The following DDX3X variants were observed in gnomAD, a reference collection of about 807,000 sequenced individuals.
The protein encoded by DDX3X is ATP-dependent RNA helicase DDX3X.
A neutral mutation model predicts 52.7 loss-of-function variants in DDX3X; 4 were observed. That is an observed-to-expected ratio of 0.08 (90% CI 0.04 to 0.17). The LOEUF is 0.17. Among genes scored for constraint, DDX3X ranks in the 10% least tolerant of loss-of-function variants. The probability of loss-of-function intolerance (pLI) is 1.00; values close to 1 mark genes in which losing one functional copy is unlikely to be tolerated. For synonymous variants in DDX3X, 192 were observed against 178.1 expected (o/e 1.08, Z -0.62); for missense variants, 222 against 548.6 (o/e 0.40, Z 5.95).
At chrX:41,341,670 C>G (rs370887135) in intron 4 of DDX3X, 54 bp downstream of exon 4, 2 of 1,101,922 alleles carry the variant, frequency 1.8e-6, no homozygotes, top group Non-Finnish European at 2.5e-6. Context: ...TTTAATAAGT[C>G]GTTATCCTGA....
At chrX:41,347,512 T>G (rs2063942668) in intron 16 of DDX3X, 61 bp downstream of exon 16, 4 of 1,182,994 alleles carry the variant, frequency 3.4e-6, no homozygotes. Context: ...AGTCATCTTT[T>G]TCAAAGCCTA....
intron 5 of DDX3X, among the ~76,000 whole-genome samples, chrX:41,357,084 C>T (rs752467786): frequency 9.2e-6 from 1 of 108,625 alleles, no homozygotes; most frequent in East Asian, 2.9e-4. Flanking sequence ...CAGGTGTGCG[C>T]CACCACACCC....
chrX:41,354,342 C>CCCTTTTTTTTTT (rs2064000303), downstream of DDX3X, among the ~76,000 whole-genome samples: 1 of 46,311 alleles, frequency 2.2e-5, no homozygotes, highest in African/African-American at 1.3e-4. Context: ...CTTGTGCTAC[C>CCCTTTTTTTTTT]TCTTTTTTTT....
At chrX:41,344,519 C>G in intron 10 of DDX3X, 120 bp downstream of exon 10, 1 of 845,015 alleles carries the variant, frequency 1.2e-6, no homozygotes, top group South Asian at 2.1e-5. Flanking sequence ...CTCACCACAA[C>G]CTCTGCCTCC....
rs143627607 is a variant in DDX3X, at chrX:41,341,566, A to C, written c.234A>C (p.Ser78=). ...GCAGTTTTGGATCTCGTAGTGATTC[A>C]AGAGGGAAGTCTAGCTTCTTCAGTG... is the stretch of plus-strand genomic sequence containing the variant. ...AYSSFGSRSD[S]RGKSSFFSDR... The change falls in exon 4 of 17, where the codon TCA becomes TCC. Residue 78 remains serine, a synonymous_variant. Coordinates refer to ENST00000644876, the MANE Select transcript of DDX3X (RefSeq NM_001356.5). 1 of 1,211,083 alleles carries C rather than the reference A, an allele frequency of 8.3e-7. No homozygotes were observed.
At chrX:41,353,270 G>A (rs1372659952), downstream of DDX3X, among the ~76,000 whole-genome samples, 1 of 96,214 alleles carries the variant, frequency 1.0e-5, no homozygotes, top group African/African-American at 3.8e-5. Context: ...TGGCTAACAC[G>A]GTGAAACCCT....
At chrX:41,342,199 GA>G (rs2063860583) in intron 4 of DDX3X, 1 of 233,501 alleles carries the variant, frequency 4.3e-6, no homozygotes, top group Non-Finnish European at 7.7e-6. Context: ...CACTTTAAAT[GA>G]AGGTTGTGAG....
upstream of DDX3X, chrX:41,333,961 T>A (rs1030982252): frequency 3.5e-6 from 1 of 284,013 alleles, no homozygotes; most frequent in African/African-American, 2.8e-5. Flanking sequence ...TTTCGCACCC[T>A]AAGCTCCAAG....
chrX:41,351,178 T>C (rs2063983120), downstream of DDX3X: 1 of 111,227 alleles, frequency 9.0e-6, no homozygotes, highest in African/African-American at 3.3e-5. Flanking sequence ...CTAAGGAGAG[T>C]TCAGTTTCCA....
chrX:41,346,765 ATAT>A (rs2147359669), intron 14 of DDX3X, 91 bp from the exon 15 acceptor site: 2 of 957,915 alleles, frequency 2.1e-6, no homozygotes, highest in East Asian at 3.1e-5. Flanking sequence ...TTACGTGGTA[ATAT>A]TTTAAATATT....
chrX:41,339,040 G>T lies in DDX3X; in HGVS notation c.108G>T (p.Gly36=), dbSNP rs749101617. 9.8e-7 allele frequency: 1 copy of T among 1,025,415 alleles called. No individual in the cohort carries two copies. The highest frequency in any genetic ancestry group is 1.3e-6 in the Non-Finnish European group (1 of 778,140). The allele number at this position is 1,025,415 out of a possible 1,213,427, so 84.5% of individuals were successfully genotyped here. ...NQSGGSTASK[G]RYIPPHLRNR... ...TATATATATATATTTTTTTAGAAGG[G>T]CGCTATATTCCTCCTCATTTAAGGA... Residue 36 remains glycine (G), a synonymous_variant, in exon 3 of 17, where the codon GGG becomes GGT. Transcript: ENST00000644876.
Position 41,345,783 on chromosome X carries a change from G to T in DDX3X, c.1315+235G>T. ...TTAGTGTGGACACCTGATAGGCATA[G>T]TACACTACAGCCCAGAACTCCTAGA... On this transcript the variant is annotated intron_variant, in intron 12 of 16. Transcript: ENST00000644876. 8.6e-6 allele frequency: 3 copies of T among 349,460 alleles called. 1 individual carries two copies. The highest frequency in any genetic ancestry group is 7.8e-5 in the African/African-American group (3 of 38,402). 28.8% of individuals were successfully genotyped at this position (349,460 alleles called of 1,213,427 possible).
chrX:41,334,613 T>C lies in DDX3X; in HGVS notation c.45+316T>C, dbSNP rs145059861. The C allele has an allele frequency of 7.4e-6, 8 of 1,082,647 alleles. 1 individual carries two copies. In the Middle Eastern group the frequency reaches 1.0e-3, roughly 141 times the overall value. 89.2% of individuals were successfully genotyped at this position (1,082,647 alleles called of 1,213,427 possible). On this transcript the variant is annotated intron_variant, in intron 1 of 16. Coordinates refer to ENST00000644876, the MANE Select transcript of DDX3X (RefSeq NM_001356.5). ...CGCGCATGCGCGAATCCCGACTGAT[T>C]AGTGACCTGGGGGGGTTTGCGGGAG... is the stretch of plus-strand genomic sequence containing the variant.
At chrX:41,341,461 T>C (rs1333209881) in intron 3 of DDX3X, 23 bp from the exon 4 acceptor site, 4 of 1,163,484 alleles carry the variant, frequency 3.4e-6, no homozygotes, top group South Asian at 1.9e-5. Flanking sequence ...TAATAAAATG[T>C]ATTTGTGCTT....
At position 41,341,469 on chromosome X, in the gene DDX3X, C is replaced by G; in HGVS notation, c.152-15C>G. On this transcript the variant is annotated splice_polypyrimidine_tract_variant and intron_variant, in intron 3 of 16. Coordinates refer to ENST00000644876, the MANE Select transcript of DDX3X (RefSeq NM_001356.5). ...TAATTAATAATAAAATGTATTTGTG[C>G]TTTTTTAATCAAAGGTTTCTACGAT... The G allele has an allele frequency of 8.5e-7, 1 of 1,178,853 alleles. No homozygotes were observed. The highest frequency in any genetic ancestry group is 1.1e-6 in the Non-Finnish European group (1 of 871,189).
chrX:41,355,645 CTTTTTTT>C (rs36111286), intron 5 of DDX3X, among the ~76,000 whole-genome samples: 2 of 85,814 alleles, frequency 2.3e-5, no homozygotes, highest in Admixed American at 2.9e-4. Flanking sequence ...TTTTCTTTTT[CTTTTTTT>C]TTTTTTTTTT....
At chrX:41,361,236 G>A (rs1346925712) in intron 5 of DDX3X, among the ~76,000 whole-genome samples, 3 of 109,743 alleles carry the variant, frequency 2.7e-5, no homozygotes, top group Admixed American at 9.9e-5. Flanking sequence ...CAGTCGGCCG[G>A]GCATGGTGGC....
chrX:41,346,643 T>C, intron 14 of DDX3X, 21 bp downstream of exon 14: 2 of 1,119,459 alleles, frequency 1.8e-6, no homozygotes, highest in Non-Finnish European at 2.4e-6. Context: ...GATTACTTGA[T>C]GGTTTCATTG....
intron 15 of DDX3X, 69 bp from the exon 16 acceptor site, chrX:41,347,243 T>C (rs909689469): frequency 2.5e-5 from 28 of 1,101,200 alleles, no homozygotes; most frequent in Non-Finnish European, 3.2e-5. Flanking sequence ...AATTGGTCAT[T>C]AGGAAAGAGT....
Sources: allele counts gnomAD v4.1 joint callset (sites outside exome capture counted in the v4.1 genomes callset), GRCh38; gene constraint gnomAD v4.1.1; transcripts MANE v1.5; gene names NCBI Gene and HGNC (gene_info 2026-07-23, HGNC 2026-07-21).